The following TMEM181 variants were observed in gnomAD, a reference collection of about 807,000 sequenced individuals.
TMEM181 encodes G protein-coupled receptor 178.
In TMEM181, 39 loss-of-function variants were observed where a neutral mutation model predicts 71.9. That is an observed-to-expected ratio of 0.54 (90% confidence interval 0.42 to 0.71). TMEM181 has a LOEUF of 0.71. Ranked by LOEUF, TMEM181 falls within the 30% of genes least tolerant of loss-of-function variation. TMEM181 has a pLI of 0.00. For missense variants in TMEM181, 595 were observed against 583.0 expected (o/e 1.02, Z -0.21); for synonymous variants, 245 against 228.8 (o/e 1.07, Z -0.64).
At chr6:158,605,131 A>AAGT (rs757927135) in intron 6 of TMEM181, 136 bp from the exon 7 acceptor site, 64 of 161,020 alleles carry the variant, frequency 4.0e-4, no homozygotes, top group Non-Finnish European at 5.0e-4. Flanking sequence ...AAAAAAAAAA[A>AAGT]GTGTGTGTGT....
At chr6:158,588,101 G>A (rs1783887221) in intron 5 of TMEM181, among the ~76,000 whole-genome samples, 2 of 152,226 alleles carry the variant, frequency 1.3e-5, no homozygotes, top group South Asian at 4.1e-4. Flanking sequence ...AGCTGATCAG[G>A]TGGAAAGGAA....
At chr6:158,573,922 G>C (rs1187715045) in intron 2 of TMEM181, among the ~76,000 whole-genome samples, 4 of 152,112 alleles carry the variant, frequency 2.6e-5, no homozygotes, top group African/African-American at 4.8e-5. Flanking sequence ...GGAGGAGAGT[G>C]GGGGGCTGAT....
In TMEM181 at chr6:158,613,492, C is replaced by T. The variant is rs1385034820; in HGVS notation, c.896+4742C>T. On this transcript the variant is annotated intron_variant, in intron 10 of 16. Coordinates refer to ENST00000684151, the MANE Select transcript of TMEM181 (RefSeq NM_001376852.1). ...AAATACCTATGAGTTGGGTGAATTC[C>T]TTTCCTCTTGAGGTTTCAAGATAAC... Among the ~76,000 whole-genome samples, 3 of 151,988 alleles carry T rather than the reference C, an allele frequency of 2.0e-5. No individual in the cohort carries two copies. The East Asian group carries it at 5.8e-4, about 30-fold the overall frequency.
chr6:158,596,481 G>A (rs1469690730), intron 6 of TMEM181, among the ~76,000 whole-genome samples: 1 of 152,172 alleles, frequency 6.6e-6, no homozygotes, highest in African/African-American at 2.4e-5. Flanking sequence ...CACCGAGCCT[G>A]GTGGTGCCCT....
At chr6:158,598,209 G>A (rs1019027309) in intron 6 of TMEM181, among the ~76,000 whole-genome samples, 5 of 152,156 alleles carry the variant, frequency 3.3e-5, no homozygotes, top group African/African-American at 9.7e-5. Flanking sequence ...GATTTTGCAG[G>A]CACCTTCTCT....
upstream of TMEM181, among the ~76,000 whole-genome samples, chr6:158,556,819 G>GT (rs1327554304): frequency 2.5e-4 from 38 of 152,168 alleles, 1 homozygote; most frequent in Admixed American, 2.5e-3. Flanking sequence ...CTAGAGTGCA[G>GT]TGACGCCATC....
At chr6:158,628,340 A>C (rs2128331449) in intron 13 of TMEM181, 68 bp from the exon 14 acceptor site, 1 of 1,465,382 alleles carries the variant, frequency 6.8e-7, no homozygotes, top group Non-Finnish European at 9.5e-7. Context: ...GTGAATAGAG[A>C]ATTCTCTGAA....
chr6:158,550,261 T>C (rs1781675513), intron 1 of TMEM181, among the ~76,000 whole-genome samples: 1 of 151,046 alleles, frequency 6.6e-6, no homozygotes. Flanking sequence ...GTCAGGCTGG[T>C]CTCGAACTCC....
chr6:158,597,700 G>A (rs1050556718), intron 6 of TMEM181, among the ~76,000 whole-genome samples: 3 of 151,856 alleles, frequency 2.0e-5, no homozygotes, highest in South Asian at 2.1e-4. Flanking sequence ...TTCTAGAGAC[G>A]GGGTCTCACT....
At chr6:158,536,951 C>G in intron 1 of TMEM181, 1 of 1,071,062 alleles carries the variant, frequency 9.3e-7, no homozygotes. Flanking sequence ...CCGGCCTTGG[C>G]CTGGTCCCGC....
At chr6:158,542,868 G>GA (rs764006911) in intron 1 of TMEM181, among the ~76,000 whole-genome samples, 1 of 73,462 alleles carries the variant, frequency 1.4e-5, no homozygotes, top group South Asian at 5.2e-4. Flanking sequence ...CTCCAGAGTG[G>GA]TTTTTTTTTT....
intron 1 of TMEM181, chr6:158,572,298 G>C (rs1253001314): frequency 5.9e-6 from 2 of 339,796 alleles, no homozygotes; most frequent in East Asian, 1.8e-4. Context: ...TTCCTGCAGG[G>C]CCAGGCTGAG....
At chr6:158,559,296 A>T (rs1326095019), upstream of TMEM181, among the ~76,000 whole-genome samples, 1 of 152,220 alleles carries the variant, frequency 6.6e-6, no homozygotes, top group Non-Finnish European at 1.5e-5. Context: ...TGAGGGCAGG[A>T]ACTGTTCCTT....
chr6:158,541,898 C>CTTTTTTTTT (rs10583860), intron 1 of TMEM181, among the ~76,000 whole-genome samples: 3 of 66,626 alleles, frequency 4.5e-5, no homozygotes, highest in Admixed American at 2.3e-4. Flanking sequence ...GGGATTTTAT[C>CTTTTTTTTT]TTTTTTTTTT....
At chr6:158,582,713 A>G (rs1188837542) in intron 3 of TMEM181, among the ~76,000 whole-genome samples, 1 of 152,106 alleles carries the variant, frequency 6.6e-6, no homozygotes, top group East Asian at 1.9e-4. Flanking sequence ...AAGACGATGC[A>G]TTCAGATAAT....
intron 10 of TMEM181, among the ~76,000 whole-genome samples, chr6:158,622,009 C>T (rs1418884944): frequency 6.6e-6 from 1 of 152,188 alleles, no homozygotes; most frequent in Non-Finnish European, 1.5e-5. Context: ...AGCCGCACCC[C>T]TGAAGGCTGC....
intron 10 of TMEM181, among the ~76,000 whole-genome samples, chr6:158,617,078 C>G (rs754569784): frequency 6.6e-6 from 1 of 152,120 alleles, no homozygotes; most frequent in Non-Finnish European, 1.5e-5. Context: ...CTCCCTGTAC[C>G]TCTGGTAGAA....
chr6:158,559,523 A>G (rs975167776), upstream of TMEM181, among the ~76,000 whole-genome samples: 1 of 152,190 alleles, frequency 6.6e-6, no homozygotes, highest in African/African-American at 2.4e-5. Flanking sequence ...TGATTACAGA[A>G]ATGGGGAACA....
At position 158,592,259 on chromosome 6, in the gene TMEM181, C is replaced by T. The variant is rs184344755; in HGVS notation, c.492+2477C>T. Among the ~76,000 whole-genome samples, 78 of 152,310 alleles carry T rather than the reference C, an allele frequency of 5.1e-4. No individual in the cohort carries two copies. In the Middle Eastern group the frequency reaches 0.017, roughly 33 times the overall value. ...AGCACCTTACAAATTTAGAAATTCA[C>T]GTGGCAACAGACTTCTGAAATTATG... is the stretch of plus-strand genomic sequence containing the variant. On this transcript the variant is annotated intron_variant, in intron 6 of 16. Transcript: ENST00000684151.
Sources: gnomAD v4.1 joint callset for allele counts (sites outside exome capture counted in the v4.1 genomes callset) on GRCh38, gnomAD v4.1.1 for gene constraint, MANE v1.5 for transcripts, NCBI Gene and HGNC (gene_info 2026-07-23, HGNC 2026-07-21) for gene names.